Variants in DOCK3 observed in about 807,000 individuals in gnomAD.
The protein encoded by DOCK3 is dedicator of cytokinesis 3, also known as dedicator of cytokinesis protein 3.
Under a neutral mutation model 265.6 loss-of-function variants are expected in DOCK3, and 60 were observed. The ratio of observed to expected loss-of-function variants is 0.23; its 90% CI spans 0.18 to 0.28. The LOEUF (loss-of-function observed/expected upper bound fraction) is 0.28, where lower values mean the gene tolerates loss of function less well. DOCK3 is among the 10% of genes least tolerant of loss of function. The pLI, the probability that DOCK3 is intolerant of heterozygous loss-of-function variation, is 1.00. For missense variants in DOCK3, 1,981 were observed against 2,594.3 expected (o/e 0.76, Z 5.14); for synonymous variants, 881 against 938.0 (o/e 0.94, Z 1.11).
chr3:50,852,327 A>G (rs1019226319), intron 3 of DOCK3, among the ~76,000 whole-genome samples: 1 of 152,206 alleles, frequency 6.6e-6, no homozygotes, highest in African/African-American at 2.4e-5. Flanking sequence ...TGAATTCTTC[A>G]TTCTAAATAC....
chr3:50,810,482 G>T (rs1337722650), intron 2 of DOCK3, among the ~76,000 whole-genome samples: 2 of 152,058 alleles, frequency 1.3e-5, no homozygotes, highest in South Asian at 2.1e-4. Flanking sequence ...AACCTGGGTT[G>T]CAGTGAGCCG....
intron 5 of DOCK3, among the ~76,000 whole-genome samples, chr3:50,991,790 A>G (rs536734951): frequency 2.8e-4 from 42 of 152,286 alleles, no homozygotes; most frequent in African/African-American, 9.6e-4. Flanking sequence ...CAGAATATAC[A>G]TTCTTCTTAT....
chr3:50,761,344 G>A (rs1340987053), intron 1 of DOCK3, among the ~76,000 whole-genome samples: 1 of 152,120 alleles, frequency 6.6e-6, no homozygotes, highest in African/African-American at 2.4e-5. Context: ...GGAAAACTTA[G>A]CTGAAAGGAA....
At chr3:51,012,926 T>C (rs9757419) in intron 5 of DOCK3, among the ~76,000 whole-genome samples, 137,179 of 152,156 alleles carry the variant, frequency 0.9, 62,033 homozygotes, top group African/African-American at 0.95. Flanking sequence ...CCCTTTCTTC[T>C]ACTTGATCGA....
intron 9 of DOCK3, among the ~76,000 whole-genome samples, chr3:51,131,042 G>A (rs564838739): frequency 6.6e-5 from 10 of 152,238 alleles, no homozygotes; most frequent in South Asian, 6.2e-4. Flanking sequence ...TGTCTAGGTA[G>A]AGGCCACGCT....
At chr3:50,762,267 A>G (rs1053481296) in intron 1 of DOCK3, among the ~76,000 whole-genome samples, 2 of 152,166 alleles carry the variant, frequency 1.3e-5, no homozygotes, top group Non-Finnish European at 2.9e-5. Flanking sequence ...AAAGAAAAAA[A>G]AAAGAATAGA....
chr3:51,284,173 A>G (rs891065277), intron 27 of DOCK3, among the ~76,000 whole-genome samples: 2 of 152,054 alleles, frequency 1.3e-5, no homozygotes, highest in Non-Finnish European at 2.9e-5. Context: ...TTCTACCCGA[A>G]GGACTGCATC....
At chr3:51,101,145 A>C (rs1319627170) in intron 9 of DOCK3, among the ~76,000 whole-genome samples, 3 of 117,412 alleles carry the variant, frequency 2.6e-5, no homozygotes, top group Admixed American at 1.1e-4. Flanking sequence ...ACGGAGTCTC[A>C]CTCTGTCGCC....
chr3:51,361,881 G>GGCC lies in DOCK3; in HGVS notation c.5033_5035dup (p.Arg1678dup), dbSNP rs1467716342. The stretch of plus-strand genomic sequence containing the variant: ...CAGCCCCATGAACTTGATGGGCACA[G>GGCC]GCCGCCATTCATCATCCTCTCTCTC... On this transcript the variant is annotated inframe_insertion, in exon 48 of 53. Transcript: ENST00000266037. The surrounding 1 kb of genome is among the most constrained non-coding windows in gnomAD (Gnocchi z 4.2). The GGCC allele has an allele frequency of 1.2e-6, 2 of 1,613,282 alleles. No homozygotes were observed. Among genetic ancestry groups the GGCC allele is most frequent in the Non-Finnish European group, 1.7e-6 (2 of 1,179,652 alleles).
chr3:50,772,355 G>A (rs554641070), intron 1 of DOCK3, among the ~76,000 whole-genome samples: 6 of 152,166 alleles, frequency 3.9e-5, no homozygotes, highest in Non-Finnish European at 8.8e-5. Context: ...ACAAAAAATA[G>A]TTACAAAGAA....
At chr3:50,858,621 T>C (rs1305154690) in intron 3 of DOCK3, among the ~76,000 whole-genome samples, 1 of 152,072 alleles carries the variant, frequency 6.6e-6, no homozygotes, top group East Asian at 1.9e-4. Context: ...CTGACAGTTA[T>C]GTGTCTTGGG....
At chr3:50,799,632 A>G (rs1015158967) in intron 2 of DOCK3, among the ~76,000 whole-genome samples, 3 of 152,164 alleles carry the variant, frequency 2.0e-5, no homozygotes, top group African/African-American at 4.8e-5. Context: ...TTTTGTATAT[A>G]TAAGATCATG....
At chr3:50,883,138 G>A (rs958324943) in intron 3 of DOCK3, among the ~76,000 whole-genome samples, 3 of 151,966 alleles carry the variant, frequency 2.0e-5, no homozygotes, top group Non-Finnish European at 1.5e-5. Flanking sequence ...AATGGGGGAG[G>A]GATAGCATTG....
chr3:50,748,331 A>G (rs1383803122), intron 1 of DOCK3, among the ~76,000 whole-genome samples: 1 of 152,070 alleles, frequency 6.6e-6, no homozygotes, highest in East Asian at 1.9e-4. Flanking sequence ...TTTAGAGGGA[A>G]AGGATTCGGT....
chr3:51,277,779 C>T (rs758654406), intron 26 of DOCK3, 25 bp downstream of exon 26: 90 of 1,600,766 alleles, frequency 5.6e-5, no homozygotes, highest in Non-Finnish European at 6.8e-6. Context: ...TCCAGGTTTT[C>T]TTGCCTTCTT....
chr3:51,140,119 C>A (rs2084981238), intron 9 of DOCK3, among the ~76,000 whole-genome samples: 1 of 152,188 alleles, frequency 6.6e-6, no homozygotes, highest in African/African-American at 2.4e-5. Context: ...AATTCACATA[C>A]TATAGAGTTT....
At chr3:50,919,725 A>G (rs578168216) in intron 4 of DOCK3, among the ~76,000 whole-genome samples, 5 of 152,128 alleles carry the variant, frequency 3.3e-5, no homozygotes, top group Non-Finnish European at 5.9e-5. Context: ...CTCTTTTCCT[A>G]ATTAAATACC....
intron 2 of DOCK3, among the ~76,000 whole-genome samples, chr3:50,832,579 C>T (rs1485060163): frequency 6.6e-6 from 1 of 152,198 alleles, no homozygotes; most frequent in Non-Finnish European, 1.5e-5. Context: ...GACTTCTTGT[C>T]TCATCCTGTG....
At chr3:51,168,028 A>G (rs980929036) in intron 12 of DOCK3, among the ~76,000 whole-genome samples, 3 of 152,210 alleles carry the variant, frequency 2.0e-5, no homozygotes, top group Non-Finnish European at 4.4e-5. Context: ...TCCTAGAAAA[A>G]AGGCTTTTAG....
Sources: allele counts gnomAD v4.1 joint callset (sites outside exome capture counted in the v4.1 genomes callset), GRCh38; gene constraint gnomAD v4.1.1; non-coding constraint Gnocchi (gnomAD v3.1); transcripts MANE v1.5; gene names NCBI Gene and HGNC (gene_info 2026-07-23, HGNC 2026-07-21).